Variants in RGS8 observed in about 807,000 individuals in gnomAD.
RGS8 encodes the protein regulator of G protein signaling 8.
In RGS8, 8 loss-of-function variants were observed where a neutral mutation model predicts 21.7. That is an observed-to-expected ratio of 0.37 (90% CI 0.22 to 0.66). The LOEUF (loss-of-function observed/expected upper bound fraction) is 0.66. RGS8 is among the 30% of genes least tolerant of loss of function. The pLI is 0.59. For missense variants in RGS8, 157 were observed against 217.9 expected, an observed-to-expected ratio of 0.72 and a Z score of 1.76; for synonymous variants, 80 against 83.6, an observed-to-expected ratio of 0.96 and a Z score of 0.24.
the RGS8 span, among the ~76,000 whole-genome samples, chr1:182,737,537 G>A: frequency 6.6e-6 from 1 of 151,964 alleles, no homozygotes; most frequent in South Asian, 2.1e-4. Flanking sequence ...TTTTATAAAG[G>A]GCAGTTCCCC....
At chr1:182,656,280 G>A (rs1166695450) in intron 5 of RGS8, among the ~76,000 whole-genome samples, 2 of 152,090 alleles carry the variant, frequency 1.3e-5, no homozygotes, top group Admixed American at 6.6e-5. Flanking sequence ...AAGGAGAGAC[G>A]GACTGTAAGC....
the RGS8 span, among the ~76,000 whole-genome samples, chr1:182,703,914 C>A: frequency 5.9e-5 from 9 of 152,124 alleles, no homozygotes; most frequent in Non-Finnish European, 1.0e-4. Flanking sequence ...ATTTATTGAA[C>A]ATTAACAAAT....
At chr1:182,679,402 C>G (rs1664469942) in intron 1 of RGS8, among the ~76,000 whole-genome samples, 1 of 152,096 alleles carries the variant, frequency 6.6e-6, no homozygotes, top group Non-Finnish European at 1.5e-5. Context: ...TTGGATCTCT[C>G]TCTTTTGACT....
At chr1:182,735,393 T>C in the RGS8 span, among the ~76,000 whole-genome samples, 6 of 152,210 alleles carry the variant, frequency 3.9e-5, no homozygotes, top group East Asian at 9.6e-4. Flanking sequence ...GTTAAAGATA[T>C]CCATTAGTTA....
intron 5 of RGS8, among the ~76,000 whole-genome samples, chr1:182,653,108 T>C (rs1262660562): frequency 1.3e-5 from 2 of 151,946 alleles, no homozygotes; most frequent in Admixed American, 6.6e-5. Context: ...CAGGAAGAGA[T>C]TATTTCAAGA....
chr1:182,722,363 C>CAAAAAAAAAAAAAA, the RGS8 span, among the ~76,000 whole-genome samples: 6 of 79,394 alleles, frequency 7.6e-5, no homozygotes, highest in Non-Finnish European at 1.2e-4. Context: ...AGCAAATTAC[C>CAAAAAAAAAAAAAA]AAAAAAAAAA....
At chr1:182,642,112 C>A (rs1662492850), downstream of RGS8, 1 of 152,242 alleles carries the variant, frequency 6.6e-6, no homozygotes, top group Non-Finnish European at 1.5e-5. Context: ...ATTGAAAGGA[C>A]CCAGAGCCCA....
intron 5 of RGS8, among the ~76,000 whole-genome samples, chr1:182,659,107 C>T (rs1252090539): frequency 1.3e-5 from 2 of 152,194 alleles, no homozygotes; most frequent in African/African-American, 4.8e-5. Context: ...AGCCTATGAT[C>T]AAACCCTACA....
the RGS8 span, among the ~76,000 whole-genome samples, chr1:182,725,185 A>G: frequency 6.6e-6 from 1 of 152,174 alleles, no homozygotes; most frequent in Non-Finnish European, 1.5e-5. Flanking sequence ...TGATTACCAC[A>G]TGCCATGTAG....
chr1:182,683,950 CTAAAAA>C (rs1664623269), intron 1 of RGS8, among the ~76,000 whole-genome samples: 1 of 152,312 alleles, frequency 6.6e-6, no homozygotes, highest in East Asian at 1.9e-4. Flanking sequence ...ATGAATGAAA[CTAAAAA>C]TAAAGAGACA....
the RGS8 span, among the ~76,000 whole-genome samples, chr1:182,689,766 T>G: frequency 2.6e-5 from 4 of 152,130 alleles, no homozygotes; most frequent in East Asian, 1.9e-4. Context: ...AATTTATATA[T>G]AGAGCCATGA....
chr1:182,656,803 A>T (rs961020930), intron 5 of RGS8, among the ~76,000 whole-genome samples: 2 of 152,204 alleles, frequency 1.3e-5, no homozygotes, highest in African/African-American at 4.8e-5. Context: ...AACAGAGAAC[A>T]GATTGTGGCA....
chr1:182,746,132 C>G, the RGS8 span, among the ~76,000 whole-genome samples: 3 of 152,114 alleles, frequency 2.0e-5, no homozygotes, highest in Non-Finnish European at 4.4e-5. Flanking sequence ...AGCCCCCAGG[C>G]CATCTTACAA....
intron 3 of RGS8, among the ~76,000 whole-genome samples, chr1:182,668,665 C>T (rs527383151): frequency 2.0e-4 from 31 of 152,314 alleles, no homozygotes; most frequent in African/African-American, 7.5e-4. Context: ...CTGCACGTCC[C>T]CTGCTCCCAC....
the RGS8 span, among the ~76,000 whole-genome samples, chr1:182,712,537 C>T: frequency 6.6e-6 from 1 of 152,190 alleles, no homozygotes; most frequent in East Asian, 1.9e-4. Flanking sequence ...GCTTGGAACA[C>T]CATATGAACA....
chr1:182,713,493 T>C, the RGS8 span, among the ~76,000 whole-genome samples: 1 of 152,194 alleles, frequency 6.6e-6, no homozygotes, highest in South Asian at 2.1e-4. Flanking sequence ...CTCTCTTTAA[T>C]GATTGCAGTT....
At chr1:182,731,570 A>G in the RGS8 span, among the ~76,000 whole-genome samples, 1 of 152,188 alleles carries the variant, frequency 6.6e-6, no homozygotes, top group Non-Finnish European at 1.5e-5. Context: ...TTTTTTCTCA[A>G]AAGCCCATCC....
the RGS8 span, among the ~76,000 whole-genome samples, chr1:182,719,222 G>A: frequency 6.6e-6 from 1 of 152,138 alleles, no homozygotes; most frequent in Non-Finnish European, 1.5e-5. Flanking sequence ...GAGTGTTAAC[G>A]CTCACGCTCA....
chr1:182,697,300 C>G, the RGS8 span, among the ~76,000 whole-genome samples: 19,420 of 152,242 alleles, frequency 0.13, 1,820 homozygotes, highest in African/African-American at 0.27. Context: ...GACTCTTCTT[C>G]TTGATATCAG....
Sources: gnomAD v4.1 joint callset for allele counts (sites outside exome capture counted in the v4.1 genomes callset) on GRCh38, gnomAD v4.1.1 for gene constraint, MANE v1.5 for transcripts, NCBI Gene and HGNC (gene_info 2026-07-23, HGNC 2026-07-21) for gene names.